ZNF83: variants seen among roughly 807,000 people sequenced by gnomAD.
The protein encoded by ZNF83 is zinc finger protein 83, also known as zinc finger protein 816B.
For missense variants in ZNF83, 552 were observed against 629.9 expected, an observed-to-expected ratio of 0.88 and a Z score of 1.32; for synonymous variants, 209 against 213.0, an observed-to-expected ratio of 0.98 and a Z score of 0.17.
At chr19:52,676,966 A>G (rs577566110) in intron 1 of ZNF83, among the ~76,000 whole-genome samples, 106 of 144,026 alleles carry the variant, frequency 7.4e-4, no homozygotes, top group Non-Finnish European at 1.0e-3. Context: ...CCTAATCTCA[A>G]GTAATCAGGG....
chr19:52,631,966 A>G (rs929662333), intron 2 of ZNF83, among the ~76,000 whole-genome samples: 2 of 140,638 alleles, frequency 1.4e-5, no homozygotes, highest in Non-Finnish European at 3.1e-5. Context: ...ATCAAGCTCG[A>G]GGATTTGCCC....
intron 1 of ZNF83, among the ~76,000 whole-genome samples, chr19:52,688,600 CCTG>C (rs2062087781): frequency 6.6e-6 from 1 of 151,942 alleles, no homozygotes; most frequent in Non-Finnish European, 1.5e-5. Context: ...TCTCTCCTCT[CCTG>C]CTGTTTATCC....
chr19:52,612,938 A>C, exon 3 of ZNF83: 1 of 1,278,066 alleles, frequency 7.8e-7, no homozygotes, highest in Non-Finnish European at 1.1e-6. Context: ...CATTCATTAT[A>C]CTTGCAAAGT....
intron 1 of ZNF83, among the ~76,000 whole-genome samples, chr19:52,689,306 C>G (rs1009818801): frequency 6.6e-6 from 1 of 152,028 alleles, no homozygotes; most frequent in Non-Finnish European, 1.5e-5. Context: ...CTTCAGTTTC[C>G]CCTAACACAA....
chr19:52,623,029 G>A (rs2060605154), intron 2 of ZNF83, among the ~76,000 whole-genome samples: 1 of 149,674 alleles, frequency 6.7e-6, no homozygotes, highest in African/African-American at 2.5e-5. Flanking sequence ...TGCTTCAAGT[G>A]CCAGAAATCT....
rs754974957 is a variant in ZNF83, at chr19:52,613,145, T to G, written c.1420A>C (p.Asn474His). 5 of 1,613,642 alleles carry G rather than the reference T, an allele frequency of 3.1e-6. No homozygotes were observed. The Admixed American group carries it at 8.3e-5, about 27-fold the overall frequency. ...TCTCCAGTGTGGATCGCATGATGAT[T>G]AGTGAGGCTTGAACGCATACTAAAA... Residue 474 changes from asparagine to histidine, a missense_variant, in exon 3 of 3, where the codon AAT (asparagine) becomes CAT (histidine). Physicochemically the swap from Asn to His is moderately conservative, Grantham distance 68 (BLOSUM62 1). Transcript: ENST00000301096.
intron 1 of ZNF83, among the ~76,000 whole-genome samples, chr19:52,679,743 G>C (rs1008893592): frequency 6.6e-6 from 1 of 152,198 alleles, no homozygotes; most frequent in Non-Finnish European, 1.5e-5. Flanking sequence ...CCTAGAGCAG[G>C]ATGATGTTCA....
chr19:52,626,121 G>C (rs144709833), intron 2 of ZNF83, among the ~76,000 whole-genome samples: 49 of 152,240 alleles, frequency 3.2e-4, no homozygotes, highest in African/African-American at 1.2e-3. Flanking sequence ...AGACAAAAAA[G>C]AGTTATTCCT....
At chr19:52,687,616 G>GTATATA (rs1427281800) in intron 1 of ZNF83, among the ~76,000 whole-genome samples, 1 of 15,822 alleles carries the variant, frequency 6.3e-5, no homozygotes, top group African/African-American at 4.6e-4. Context: ...TATATAATGT[G>GTATATA]TATATATATA....
chr19:52,629,546 T>C (rs1486723568), intron 2 of ZNF83, among the ~76,000 whole-genome samples: 2 of 152,178 alleles, frequency 1.3e-5, no homozygotes, highest in Admixed American at 1.3e-4. Flanking sequence ...TCACACCCGG[T>C]CCGGCTTACA....
At chr19:52,614,741 C>G in exon 3 of ZNF83, 2 of 1,302,266 alleles carry the variant, frequency 1.5e-6, no homozygotes, top group South Asian at 5.7e-5. Flanking sequence ...AATATTTCTC[C>G]TGTATTACTC....
intron 1 of ZNF83, chr19:52,637,158 CCTAA>C (rs1321980576): frequency 7.2e-5 from 11 of 152,384 alleles, no homozygotes; most frequent in Middle Eastern, 3.2e-3. Context: ...TCGCAACTTA[CCTAA>C]CTTCTTGCTG....
At chr19:52,627,758 A>G (rs1394067404) in intron 2 of ZNF83, among the ~76,000 whole-genome samples, 1 of 152,152 alleles carries the variant, frequency 6.6e-6, no homozygotes, top group Non-Finnish European at 1.5e-5. Context: ...ACAAACCTTC[A>G]CATGTAGCCC....
intron 2 of ZNF83, chr19:52,617,125 A>G (rs1165599068): frequency 6.6e-6 from 1 of 151,826 alleles, no homozygotes; most frequent in Admixed American, 6.6e-5. Context: ...GGGTGCAGCA[A>G]ACCACCACGG....
At chr19:52,656,616 C>A (rs961541855) in intron 2 of ZNF83, among the ~76,000 whole-genome samples, 1 of 152,012 alleles carries the variant, frequency 6.6e-6, no homozygotes, top group African/African-American at 2.4e-5. Flanking sequence ...ACCTATAATC[C>A]GAACACTTAT....
chr19:52,624,824 T>G (rs2060677623), intron 2 of ZNF83, among the ~76,000 whole-genome samples: 1 of 152,118 alleles, frequency 6.6e-6, no homozygotes, highest in African/African-American at 2.4e-5. Flanking sequence ...ACTCTCCACA[T>G]TTCTCATAAC....
At position 52,620,252 on chromosome 19, in the gene ZNF83, A is replaced by ATCTC. The variant is rs199544173; in HGVS notation, c.-233-5456_-233-5455insGAGA. Among the ~76,000 whole-genome samples, 64 of 132,910 alleles carry ATCTC rather than the reference A, an allele frequency of 4.8e-4. No homozygotes were observed. In the East Asian group the frequency reaches 0.013, roughly 27 times the overall value. 87.2% of individuals were successfully genotyped at this position (132,910 alleles called of 152,430 possible). A position where few individuals can be genotyped will look rare whatever the true frequency, so the allele number is the denominator to read the frequency against. On this transcript the variant is annotated intron_variant, in intron 2 of 2. Transcript: ENST00000301096. Reference sequence around the variant, plus strand: ...TGTATATGTATATATGTGTGTGTATATCTGTGTGTGTATATCTCTGTGTGT... The same window carrying ATCTC: ...TGTATATGTATATATGTGTGTGTATATCTCTCTGTGTGTGTATATCTCTGTGTGT...
At chr19:52,660,969 A>G (rs1297967314) in intron 1 of ZNF83, 2 of 152,402 alleles carry the variant, frequency 1.3e-5, no homozygotes, top group Non-Finnish European at 2.9e-5. Flanking sequence ...AGTTCAAGGA[A>G]TTCTCTTGCC....
chr19:52,681,991 G>A lies in ZNF83; in HGVS notation c.-283+8452C>T, dbSNP rs757662193. On this transcript the variant is annotated intron_variant, in intron 1 of 5. Coordinates refer to the ZNF83 transcript ENST00000594682. ...GCCTCCCAAGTAGCTGGGATTACAGGCACCTGCCACCACACCCAGCTAATT... is the reference window on the plus strand; with the variant it reads ...GCCTCCCAAGTAGCTGGGATTACAGACACCTGCCACCACACCCAGCTAATT... 5.3e-4 allele frequency among the ~76,000 whole-genome samples: 81 copies of A among 152,210 alleles called. 1 individual carries two copies. Among genetic ancestry groups the A allele is most frequent in the Non-Finnish European group, 8.7e-4 (59 of 68,004 alleles).
Sources: allele counts gnomAD v4.1 joint callset (sites outside exome capture counted in the v4.1 genomes callset), GRCh38; gene constraint gnomAD v4.1.1; transcripts MANE v1.5; gene names NCBI Gene and HGNC (gene_info 2026-07-23, HGNC 2026-07-21).